BDH1: variants seen among roughly 807,000 people sequenced by gnomAD.
BDH1 encodes 3-hydroxybutyrate dehydrogenase 1.
Under a neutral mutation model 33.1 loss-of-function variants are expected in BDH1, and 30 were observed. The ratio of observed to expected loss-of-function variants is 0.91; its 90% CI spans 0.68 to 1.23. The LOEUF (loss-of-function observed/expected upper bound fraction) is 1.23, where lower values mean the gene tolerates loss of function less well. Ranked by LOEUF, BDH1 falls within the 50% of genes most tolerant of loss-of-function variation. The probability of loss-of-function intolerance (pLI) is 0.00; values close to 1 mark genes in which losing one functional copy is unlikely to be tolerated. For missense variants in BDH1, 443 were observed against 464.4 expected (o/e 0.95, Z 0.42); for synonymous variants, 190 against 183.6 (o/e 1.03, Z -0.28).
chr3:197,535,710 C>A (rs1038784396), intron 3 of BDH1, among the ~76,000 whole-genome samples: 1 of 152,064 alleles, frequency 6.6e-6, no homozygotes, highest in Non-Finnish European at 1.5e-5. Flanking sequence ...AGCTCTTTGC[C>A]CCCAGGACCC....
Position 197,527,562 on chromosome 3 carries a change from C to T in BDH1, c.268-4781G>A, listed in dbSNP as rs150276048. On this transcript the variant is annotated intron_variant, in intron 5 of 7. Coordinates refer to ENST00000392379, the MANE Select transcript of BDH1 (RefSeq NM_203314.3). ...TTCATCTTTCCAGATGGTGGTGAGA[C>T]GCCACCTCTCATTAAGCCTTCCCTA... Among the ~76,000 whole-genome samples the T allele has an allele frequency of 4.0e-3, 604 of 152,208 alleles. 8 individuals carry two copies. The highest frequency in any genetic ancestry group is 0.015 in the South Asian group (71 of 4,816).
chr3:197,542,642 G>C (rs1484152926), intron 3 of BDH1, among the ~76,000 whole-genome samples: 1 of 149,790 alleles, frequency 6.7e-6, no homozygotes, highest in African/African-American at 2.5e-5. Flanking sequence ...TCCCGCCTCA[G>C]CCTCCCAAGT....
chr3:197,529,967 C>A (rs756264692), intron 5 of BDH1: 1 of 152,084 alleles, frequency 6.6e-6, no homozygotes, highest in Non-Finnish European at 1.5e-5. Context: ...CATTTTAGGC[C>A]GGGTACATAT....
At chr3:197,532,885 CT>C (rs1560321834) in intron 4 of BDH1, among the ~76,000 whole-genome samples, 1 of 152,000 alleles carries the variant, frequency 6.6e-6, no homozygotes, top group Non-Finnish European at 1.5e-5. Context: ...AACTCTTCTT[CT>C]TTTTTTTGAG....
At chr3:197,557,776 A>C (rs1483795039), upstream of BDH1, among the ~76,000 whole-genome samples, 1 of 152,198 alleles carries the variant, frequency 6.6e-6, no homozygotes, top group Non-Finnish European at 1.5e-5. The surrounding 1 kb of genome is among the most constrained non-coding windows in gnomAD (Gnocchi z 4.6). Context: ...GCTTCTGGAG[A>C]GCTAAGGCTA....
At chr3:197,569,673 A>G (rs933736904) in intron 1 of BDH1, among the ~76,000 whole-genome samples, 1 of 151,996 alleles carries the variant, frequency 6.6e-6, no homozygotes, top group Non-Finnish European at 1.5e-5. Flanking sequence ...CTTGGCTTTC[A>G]TCCTCTCTCT....
At position 197,516,789 on chromosome 3, in the gene BDH1, A is replaced by C. The variant is rs1023292370; in HGVS notation, c.410-2373T>G. Among the ~76,000 whole-genome samples, 1 of 151,206 alleles carries C rather than the reference A, an allele frequency of 6.6e-6. No individual in the cohort carries two copies. Among genetic ancestry groups the C allele is most frequent in the African/African-American group, 2.4e-5 (1 of 41,058 alleles). On this transcript the variant is annotated intron_variant, in intron 6 of 7. Transcript: ENST00000392379. The surrounding 1 kb of genome is among the most constrained non-coding windows in gnomAD (Gnocchi z 4.2). ...CCCTCCCCCACCTACTGAGTCACCC[A>C]GTACTGCTAATATTACAGCTCAAGA...
intron 6 of BDH1, among the ~76,000 whole-genome samples, chr3:197,517,343 C>T (rs184205201): frequency 7.3e-4 from 75 of 102,438 alleles, no homozygotes; most frequent in Admixed American, 1.1e-3. Context: ...TCCATCCCCC[C>T]CTCAGGCCGA....
At position 197,523,129 on chromosome 3, in the gene BDH1, A is replaced by G. The variant is rs1209168275; in HGVS notation, c.268-348T>C. The G allele has an allele frequency of 3.7e-6, 1 of 270,552 alleles. No individual in the cohort carries two copies. Among genetic ancestry groups the G allele is most frequent in the African/African-American group, 2.2e-5 (1 of 45,610 alleles). The allele number at this position is 270,552 out of a possible 1,614,324, so 16.8% of individuals were successfully genotyped here. The stretch of plus-strand genomic sequence containing the variant: ...ACATGTCAGGAATTACCACGTGGGG[A>G]TGGAAACCCAGGGTTGCCAGATGCT... On this transcript the variant is annotated intron_variant, in intron 5 of 7. Coordinates refer to ENST00000392379, the MANE Select transcript of BDH1 (RefSeq NM_203314.3). The surrounding 1 kb of genome is among the most constrained non-coding windows in gnomAD (Gnocchi z 4.5).
Position 197,525,396 on chromosome 3 carries a change from AC to A in BDH1, c.268-2616del, listed in dbSNP as rs1244982776. 6.6e-6 allele frequency among the ~76,000 whole-genome samples: 1 copy of A among 152,132 alleles called. No individual in the cohort carries two copies. The highest frequency in any genetic ancestry group is 1.9e-4 in the East Asian group (1 of 5,162). On this transcript the variant is annotated intron_variant, in intron 5 of 7. Transcript: ENST00000392379. This position sits in a 1 kb window ranked among gnomAD's most constrained non-coding sequence, Gnocchi z 4.9. ...GTTGCTATCATTCAGCTCTTCTCAG[AC>A]CCCTATACAAGACCTCTCTGGTGCC... is the stretch of plus-strand genomic sequence containing the variant.
chr3:197,527,564 C>T (rs546036601), intron 5 of BDH1, among the ~76,000 whole-genome samples: 1 of 152,130 alleles, frequency 6.6e-6, no homozygotes, highest in Non-Finnish European at 1.5e-5. Flanking sequence ...TGGTGAGACG[C>T]CACCTCTCAT....
In BDH1 at chr3:197,526,027, T is replaced by C. The variant is rs1714065970; in HGVS notation, c.268-3246A>G. 6.6e-6 allele frequency among the ~76,000 whole-genome samples: 1 copy of C among 152,248 alleles called. No individual in the cohort carries two copies. Among genetic ancestry groups the C allele is most frequent in the Non-Finnish European group, 1.5e-5 (1 of 68,044 alleles). On this transcript the variant is annotated intron_variant, in intron 5 of 7. Transcript: ENST00000392379. This position sits in a 1 kb window ranked among gnomAD's most constrained non-coding sequence, Gnocchi z 4.7. ...TGGCTTATTGATAAACCCACTTCTT[T>C]ATCTTACTGTCCCTTTCAACCTCAC...
chr3:197,571,205 T>C (rs1326930382), intron 1 of BDH1, among the ~76,000 whole-genome samples: 1 of 152,244 alleles, frequency 6.6e-6, no homozygotes, highest in African/African-American at 2.4e-5. Context: ...CCATTGTATC[T>C]AGGAAGTAAC....
chr3:197,532,519 C>T lies in BDH1; in HGVS notation c.160G>A (p.Gly54Ser). 1 of 1,613,634 alleles carries T rather than the reference C, an allele frequency of 6.2e-7. No homozygotes were observed. The highest frequency in any genetic ancestry group is 1.1e-5 in the South Asian group (1 of 91,078). Residue 54 changes from glycine (G) to serine (S), a missense_variant, in exon 5 of 8, where the codon GGC becomes AGC. Physicochemically the swap from Gly to Ser is moderately conservative, Grantham distance 56. Coordinates refer to ENST00000392379, the MANE Select transcript of BDH1 (RefSeq NM_203314.3). Reference protein sequence around the residue: ...RTYASAAEPVGSKAVLVTGCD... With the variant: ...RTYASAAEPVSSKAVLVTGCD... ...CCTGTGACCAGGACAGCTTTGCTGC[C>T]AACCTGTTTTACAAGGTCAGATTCC...
chr3:197,539,209 C>T (rs146639060), intron 3 of BDH1, among the ~76,000 whole-genome samples: 2,967 of 152,206 alleles, frequency 0.019, 105 homozygotes, highest in African/African-American at 0.066. Flanking sequence ...AGTGCAGTGG[C>T]GCGATCTTGG....
Position 197,565,662 on chromosome 3 carries a change from T to C in BDH1, c.-44+7519A>G, listed in dbSNP as rs559913806. 2.6e-5 allele frequency among the ~76,000 whole-genome samples: 4 copies of C among 152,338 alleles called. No homozygotes were observed. In the South Asian group the frequency reaches 8.3e-4, roughly 32 times the overall value. ...TTATCAGTAATAATTATAATTGTTA[T>C]GTTAAATTGTTGCTGCCACAGAGAT... On this transcript the variant is annotated intron_variant, in intron 1 of 6. Transcript: ENST00000358186.
chr3:197,512,012 G>T lies in BDH1; in HGVS notation c.915C>A (p.Ala305=). 1 of 1,614,044 alleles carries T rather than the reference G, an allele frequency of 6.2e-7. No homozygotes were observed. The highest frequency in any genetic ancestry group is 8.5e-7 in the Non-Finnish European group (1 of 1,179,984). ...TSPVIDAVTH[A]LTATTPYTRY... ...GGGTGTAGGGGGTGGTGGCGGTCAG[G>T]GCGTGTGTGACAGCATCGATGACAG... is the stretch of plus-strand genomic sequence containing the variant. Residue 305 remains alanine (A), a synonymous_variant, in exon 8 of 8, where the codon GCC becomes GCA. Coordinates refer to ENST00000392379, the MANE Select transcript of BDH1 (RefSeq NM_203314.3).
rs1712036123 is a variant in BDH1 at position 197,511,695 on chromosome 3, C to T, written c.*200G>A. 1 of 504,932 alleles carries T rather than the reference C, an allele frequency of 2.0e-6. No individual in the cohort carries two copies. Among genetic ancestry groups the T allele is most frequent in the Non-Finnish European group, 3.4e-6 (1 of 292,718 alleles). 31.3% of individuals were successfully genotyped at this position (504,932 alleles called of 1,614,324 possible). On this transcript the variant is annotated 3_prime_UTR_variant, in exon 8 of 8. Transcript: ENST00000392379. Reference sequence around the variant, plus strand: ...CTGAGATTTAGAGGCCTCTGCCTGCCACTCCACACCCTGTTTGTGAAGGCC... The same window carrying T: ...CTGAGATTTAGAGGCCTCTGCCTGCTACTCCACACCCTGTTTGTGAAGGCC...
Position 197,533,602 on chromosome 3 carries a change from G to A in BDH1, c.84-41C>T. On this transcript the variant is annotated intron_variant, in intron 3 of 7. Transcript: ENST00000392379. ...AAGCCGTGAGTACAAGGACAGACTA[G>A]ACAGACCCTCAGCCACACTGGCCTA... 5 of 1,597,524 alleles carry A rather than the reference G, an allele frequency of 3.1e-6. 1 individual carries two copies. In the South Asian group the frequency reaches 5.5e-5, roughly 18 times the overall value.
Sources: gnomAD v4.1 joint callset for allele counts (sites outside exome capture counted in the v4.1 genomes callset) on GRCh38, gnomAD v4.1.1 for gene constraint, Gnocchi (gnomAD v3.1) non-coding constraint, MANE v1.5 for transcripts, NCBI Gene and HGNC (gene_info 2026-07-23, HGNC 2026-07-21) for gene names.